Variants in FBXL2 observed in about 807,000 individuals in gnomAD.
FBXL2 encodes the protein F-box/LRR-repeat protein 2.
FBXL2 carries 38 observed loss-of-function variants against 69.2 expected under a neutral mutation model. The ratio of observed to expected loss-of-function variants is 0.55; its 90% CI spans 0.42 to 0.72. The LOEUF is 0.72. Ranked by LOEUF, FBXL2 falls within the 30% of genes least tolerant of loss-of-function variation. The pLI is 0.00. For missense variants in FBXL2, 354 were observed against 520.3 expected, an observed-to-expected ratio of 0.68 and a Z score of 3.11; for synonymous variants, 192 against 201.3, an observed-to-expected ratio of 0.95 and a Z score of 0.39.
intron 1 of FBXL2, among the ~76,000 whole-genome samples, chr3:33,291,660 A>G (rs2035236253): frequency 6.6e-6 from 1 of 152,182 alleles, no homozygotes; most frequent in Non-Finnish European, 1.5e-5. Flanking sequence ...CTCTATAATC[A>G]CTAAAGCAAA....
chr3:33,309,621 T>C (rs2037012248), intron 2 of FBXL2, among the ~76,000 whole-genome samples: 1 of 152,168 alleles, frequency 6.6e-6, no homozygotes, highest in Non-Finnish European at 1.5e-5. Context: ...TAAGTATTGC[T>C]AGGTAAGGGC....
intron 1 of FBXL2, among the ~76,000 whole-genome samples, chr3:33,284,705 A>G (rs111853735): frequency 0.097 from 14,819 of 152,174 alleles, 742 homozygotes; most frequent in South Asian, 0.11. Context: ...GTCTCTAAAG[A>G]CTTGCTTTAT....
At chr3:33,342,894 T>TTTG (rs1339425491) in intron 2 of FBXL2, among the ~76,000 whole-genome samples, 23 of 63,330 alleles carry the variant, frequency 3.6e-4, no homozygotes, top group Non-Finnish European at 1.6e-4. Context: ...CGCCCAGCTG[T>TTTG]TTTTTTTTTT....
intron 1 of FBXL2, among the ~76,000 whole-genome samples, chr3:33,290,640 C>T (rs1175872979): frequency 6.6e-6 from 1 of 152,074 alleles, no homozygotes; most frequent in African/African-American, 2.4e-5. Context: ...CTGCACACAG[C>T]AGAAGAAAGC....
rs1482403976 is a variant in FBXL2, at chr3:33,386,811, A to G, written c.*1203A>G. On this transcript the variant is annotated 3_prime_UTR_variant, in exon 15 of 15. Coordinates refer to ENST00000484457, the MANE Select transcript of FBXL2 (RefSeq NM_012157.5). ...TATGATCTTTATTAAGAACCTGTCA[A>G]TCAGTCATCACCACCTTCATTGTAA... The G allele has an allele frequency of 6.6e-6, 1 of 151,728 alleles. No homozygotes were observed. The highest frequency in any genetic ancestry group is 2.4e-5 in the African/African-American group (1 of 41,202). The allele number at this position is 151,728 out of a possible 1,614,324, so 9.4% of individuals were successfully genotyped here.
At position 33,386,740 on chromosome 3, in the gene FBXL2, C is replaced by T. The variant is rs2043460883; in HGVS notation, c.*1132C>T. 6.6e-6 allele frequency: 1 copy of T among 152,124 alleles called. No individual in the cohort carries two copies. The highest frequency in any genetic ancestry group is 2.4e-5 in the African/African-American group (1 of 41,420). 9.4% of individuals were successfully genotyped at this position (152,124 alleles called of 1,614,324 possible). A position where few individuals can be genotyped will look rare whatever the true frequency, so the allele number is the denominator to read the frequency against. On this transcript the variant is annotated 3_prime_UTR_variant, in exon 15 of 15. Transcript: ENST00000484457. ...TGTTATCTGAAATCTGATAAAATGACCCTACTCTCTGCTGTGGTTCATTCT... is the reference window on the plus strand; with the variant it reads ...TGTTATCTGAAATCTGATAAAATGATCCTACTCTCTGCTGTGGTTCATTCT...
At chr3:33,283,516 TG>T (rs1278429172) in intron 1 of FBXL2, among the ~76,000 whole-genome samples, 8 of 152,166 alleles carry the variant, frequency 5.3e-5, no homozygotes, top group African/African-American at 1.9e-4. Context: ...TCTCTTTTTT[TG>T]TTGTGTCTCT....
chr3:33,359,744 A>AGATCAC (rs2041478368), intron 4 of FBXL2, among the ~76,000 whole-genome samples: 1 of 152,066 alleles, frequency 6.6e-6, no homozygotes, highest in African/African-American at 2.4e-5. Context: ...CAGAAGCCCA[A>AGATCAC]GAGTGAGGCT....
At chr3:33,296,060 TTTTG>T (rs1255515477) in intron 1 of FBXL2, among the ~76,000 whole-genome samples, 3 of 152,070 alleles carry the variant, frequency 2.0e-5, no homozygotes, top group Non-Finnish European at 2.9e-5. Context: ...TACAAAGGTC[TTTTG>T]TTTGTTTGTT....
intron 12 of FBXL2, among the ~76,000 whole-genome samples, chr3:33,395,958 A>G (rs1310191832): frequency 6.6e-6 from 1 of 151,998 alleles, no homozygotes; most frequent in Non-Finnish European, 1.5e-5. Flanking sequence ...TGTGGCTGCA[A>G]TGACTGAGAA....
intron 12 of FBXL2, among the ~76,000 whole-genome samples, chr3:33,394,424 TC>T (rs1017517480): frequency 6.6e-6 from 1 of 151,814 alleles, no homozygotes; most frequent in Non-Finnish European, 1.5e-5. Flanking sequence ...TATATGCCCC[TC>T]CCCCACAAAA....
the FBXL2 span, chr3:33,412,572 GCT>G: frequency 1.7e-6 from 1 of 585,012 alleles, no homozygotes; most frequent in Admixed American, 3.0e-5. Flanking sequence ...AGAGAGCAAG[GCT>G]CTGTCTCAAA....
intron 13 of FBXL2, chr3:33,382,416 C>G (rs546589667): frequency 6.6e-6 from 1 of 152,122 alleles, no homozygotes; most frequent in Non-Finnish European, 1.5e-5. Flanking sequence ...CCCCAAAAGT[C>G]GTGACTTCCA....
intron 2 of FBXL2, among the ~76,000 whole-genome samples, chr3:33,309,963 C>T (rs2125757386): frequency 6.6e-6 from 1 of 151,996 alleles, no homozygotes; most frequent in East Asian, 1.9e-4. Context: ...GAGTTTGACA[C>T]CAGGCATGCC....
intron 2 of FBXL2, among the ~76,000 whole-genome samples, chr3:33,354,133 A>T (rs897769342): frequency 6.6e-6 from 1 of 152,156 alleles, no homozygotes; most frequent in Non-Finnish European, 1.5e-5. Context: ...CCACACTAAT[A>T]CAACATGTTA....
intron 2 of FBXL2, chr3:33,303,161 G>A (rs1232924086): frequency 4.4e-6 from 2 of 456,528 alleles, no homozygotes; most frequent in Non-Finnish European, 8.8e-6. Flanking sequence ...ATCCTAACAG[G>A]TAAGATGCTC....
intron 12 of FBXL2, chr3:33,396,105 T>C: frequency 1.4e-6 from 2 of 1,444,026 alleles, no homozygotes; most frequent in South Asian, 2.8e-5. Context: ...TCGAGTCCTT[T>C]CCGTTTCTGT....
intron 2 of FBXL2, among the ~76,000 whole-genome samples, chr3:33,347,071 A>G (rs914393344): frequency 6.6e-6 from 1 of 152,094 alleles, no homozygotes; most frequent in Non-Finnish European, 1.5e-5. Context: ...CTTTCTAACT[A>G]CTTTTCTTAC....
At chr3:33,285,080 A>G (rs1487991272) in intron 1 of FBXL2, among the ~76,000 whole-genome samples, 1 of 152,180 alleles carries the variant, frequency 6.6e-6, no homozygotes, top group Non-Finnish European at 1.5e-5. Context: ...TGATTGTGTC[A>G]TTATGATGTT....
Sources: allele counts gnomAD v4.1 joint callset (sites outside exome capture counted in the v4.1 genomes callset), GRCh38; gene constraint gnomAD v4.1.1; transcripts MANE v1.5; gene names NCBI Gene and HGNC (gene_info 2026-07-23, HGNC 2026-07-21).